Variants in DNAAF9 observed in about 807,000 individuals in gnomAD.
DNAAF9 encodes the protein dynein axonemal assembly factor 9.
Under a neutral mutation model 167.0 loss-of-function variants are expected in DNAAF9, and 90 were observed. The ratio of observed to expected loss-of-function variants is 0.54; its 90% CI spans 0.45 to 0.64. The LOEUF is 0.64. Among genes scored for constraint, DNAAF9 ranks in the 30% least tolerant of loss-of-function variants. DNAAF9 has a pLI of 0.00. For missense variants in DNAAF9, 1,315 were observed against 1,442.2 expected, an observed-to-expected ratio of 0.91 and a Z score of 1.43; for synonymous variants, 491 against 508.8, an observed-to-expected ratio of 0.96 and a Z score of 0.47.
intron 7 of DNAAF9, among the ~76,000 whole-genome samples, chr20:3,359,308 C>T (rs1251614814): frequency 2.0e-5 from 3 of 152,190 alleles, no homozygotes; most frequent in Non-Finnish European, 4.4e-5. Context: ...AGTGAAGTCA[C>T]CTCAGAGTGG....
At chr20:3,396,965 G>A (rs1263223207) in intron 1 of DNAAF9, among the ~76,000 whole-genome samples, 1 of 152,212 alleles carries the variant, frequency 6.6e-6, no homozygotes, top group Non-Finnish European at 1.5e-5. Context: ...CTCTACTGCT[G>A]GACAGGCATG....
intron 12 of DNAAF9, among the ~76,000 whole-genome samples, chr20:3,328,356 AT>A (rs1568607226): frequency 6.6e-6 from 1 of 151,874 alleles, no homozygotes; most frequent in Non-Finnish European, 1.5e-5. Flanking sequence ...TAGTTTTTGT[AT>A]TTTTAGTAGA....
At chr20:3,373,515 T>G (rs900499308) in intron 6 of DNAAF9, among the ~76,000 whole-genome samples, 1 of 152,266 alleles carries the variant, frequency 6.6e-6, no homozygotes, top group African/African-American at 2.4e-5. Context: ...TAAAAGACAC[T>G]GCTCTTACCA....
At chr20:3,318,954 G>A (rs773194761) in intron 16 of DNAAF9, among the ~76,000 whole-genome samples, 16 of 150,208 alleles carry the variant, frequency 1.1e-4, no homozygotes, top group Non-Finnish European at 2.2e-4. Flanking sequence ...ATGGTGGCGT[G>A]TGCCTGTAAT....
chr20:3,366,969 A>G (rs2083440258), intron 6 of DNAAF9, among the ~76,000 whole-genome samples: 1 of 152,024 alleles, frequency 6.6e-6, no homozygotes, highest in Non-Finnish European at 1.5e-5. Context: ...AATAAAAAAG[A>G]AAGTCCTAGA....
intron 5 of DNAAF9, among the ~76,000 whole-genome samples, chr20:3,374,551 CA>C (rs1319597023): frequency 3.9e-5 from 6 of 152,300 alleles, no homozygotes; most frequent in African/African-American, 1.4e-4. Context: ...ACTACTAAAT[CA>C]AAAATGTTCC....
At chr20:3,330,953 C>G (rs1013182766) in intron 11 of DNAAF9, among the ~76,000 whole-genome samples, 2 of 151,806 alleles carry the variant, frequency 1.3e-5, no homozygotes, top group Non-Finnish European at 1.5e-5. Context: ...CACCATGCCC[C>G]GCTAATTTTT....
chr20:3,302,830 T>C (rs1018587142), intron 21 of DNAAF9, among the ~76,000 whole-genome samples: 3 of 152,102 alleles, frequency 2.0e-5, no homozygotes, highest in African/African-American at 7.2e-5. Flanking sequence ...TTTGGTTTGA[T>C]AGTAAAGGTG....
intron 21 of DNAAF9, among the ~76,000 whole-genome samples, chr20:3,301,389 T>C (rs1252733708): frequency 6.6e-6 from 1 of 152,144 alleles, no homozygotes; most frequent in Non-Finnish European, 1.5e-5. Flanking sequence ...CATTTCACCA[T>C]GCTGGCCAGG....
At chr20:3,402,441 A>T (rs182318363) in intron 1 of DNAAF9, among the ~76,000 whole-genome samples, 161 of 152,256 alleles carry the variant, frequency 1.1e-3, no homozygotes, top group Non-Finnish European at 1.5e-3. Context: ...ATCATTAACT[A>T]TAGTTACCAT....
In DNAAF9 at chr20:3,373,289, T is replaced by C. The variant is rs1331135263; in HGVS notation, c.612+759A>G. 2.6e-5 allele frequency among the ~76,000 whole-genome samples: 4 copies of C among 152,206 alleles called. No homozygotes were observed. In the East Asian group the frequency reaches 7.7e-4, roughly 29 times the overall value. On this transcript the variant is annotated intron_variant, in intron 6 of 36. Transcript: ENST00000252032. ...CCCACTTACTCTCTCCCTAATAGGA[T>C]GTCCCCATTTCTAGCATGACAATGT...
intron 3 of DNAAF9, among the ~76,000 whole-genome samples, chr20:3,379,362 A>C (rs1188189935): frequency 6.7e-6 from 1 of 150,008 alleles, no homozygotes; most frequent in Non-Finnish European, 1.5e-5. Flanking sequence ...CTATAATCCC[A>C]ACACTGTGAG....
chr20:3,286,596 C>T (rs893973519), intron 27 of DNAAF9, among the ~76,000 whole-genome samples: 1 of 152,054 alleles, frequency 6.6e-6, no homozygotes, highest in Non-Finnish European at 1.5e-5. Context: ...TAGGACCTTG[C>T]CCACAAGCAG....
intron 3 of DNAAF9, among the ~76,000 whole-genome samples, chr20:3,379,090 A>C (rs1013432353): frequency 2.0e-5 from 3 of 151,840 alleles, no homozygotes; most frequent in African/African-American, 7.2e-5. Flanking sequence ...CTATTACCTG[A>C]AGACTGAGGG....
At chr20:3,350,130 C>T (rs6115859) in intron 7 of DNAAF9, among the ~76,000 whole-genome samples, 6 of 139,466 alleles carry the variant, frequency 4.3e-5, no homozygotes, top group Non-Finnish European at 6.2e-5. Flanking sequence ...ATCAGACACA[C>T]AGACACACAG....
intron 33 of DNAAF9, 30 bp downstream of exon 33, chr20:3,259,450 T>C (rs781373080): frequency 4.4e-5 from 61 of 1,382,882 alleles, no homozygotes; most frequent in Non-Finnish European, 6.2e-5. Flanking sequence ...CTCCATGGTG[T>C]AGAGCTCCCA....
chr20:3,396,402 G>A (rs1048250675), intron 1 of DNAAF9, among the ~76,000 whole-genome samples: 12 of 152,076 alleles, frequency 7.9e-5, no homozygotes, highest in African/African-American at 2.7e-4. Flanking sequence ...CACCTACTGT[G>A]TGCCAACTGT....
intron 27 of DNAAF9, among the ~76,000 whole-genome samples, chr20:3,283,278 G>T (rs543210989): frequency 9.2e-5 from 14 of 152,326 alleles, no homozygotes; most frequent in Non-Finnish European, 1.8e-4. Context: ...GTATGGACAG[G>T]TACAGCCTGC....
chr20:3,315,123 T>C lies in DNAAF9; in HGVS notation c.1591-3A>G. 6.3e-7 allele frequency: 1 copy of C among 1,582,494 alleles called. No individual in the cohort carries two copies. Among genetic ancestry groups the C allele is most frequent in the Non-Finnish European group, 8.7e-7 (1 of 1,152,294 alleles). Reference sequence around the variant, plus strand: ...GTGCCCAGGAAAGACTCATCCCCCTTTAAAAACAACAACAAAAACAAAAAT... The same window carrying C: ...GTGCCCAGGAAAGACTCATCCCCCTCTAAAAACAACAACAAAAACAAAAAT... On this transcript the variant is annotated splice_region_variant and splice_polypyrimidine_tract_variant and intron_variant, in intron 19 of 36. Transcript: ENST00000252032. The surrounding 1 kb of genome is among the most constrained non-coding windows in gnomAD (Gnocchi z 4.1).
Sources: allele counts gnomAD v4.1 joint callset (sites outside exome capture counted in the v4.1 genomes callset), GRCh38; gene constraint gnomAD v4.1.1; non-coding constraint Gnocchi (gnomAD v3.1); transcripts MANE v1.5; gene names NCBI Gene and HGNC (gene_info 2026-07-23, HGNC 2026-07-21).